TENM4: variants seen among roughly 807,000 people sequenced by gnomAD.
The protein encoded by TENM4 is teneurin-4.
In TENM4, 82 loss-of-function variants were observed where a neutral mutation model predicts 243.3. The ratio of observed to expected loss-of-function variants is 0.34; its 90% CI spans 0.28 to 0.40. TENM4 has a LOEUF of 0.40. TENM4 is among the 10% of genes least tolerant of loss of function. The pLI, the probability that TENM4 is intolerant of heterozygous loss-of-function variation, is 1.00. For synonymous variants in TENM4, 1,412 were observed against 1,456.3 expected (o/e 0.97, Z 0.69); for missense variants, 3,138 against 3,673.3 (o/e 0.85, Z 3.77).
rs577565806 is a variant in TENM4, at chr11:78,657,925, T to C, written c.*133A>G. On this transcript the variant is annotated 3_prime_UTR_variant, in exon 34 of 34. Coordinates refer to ENST00000278550, the MANE Select transcript of TENM4 (RefSeq NM_001098816.3). ...CTTTTCTAAAAAAAAGGATGTTGCA[T>C]GAGTTACAATGCAACCAGTATCTTT... is the stretch of plus-strand genomic sequence containing the variant. 9.2e-5 allele frequency: 126 copies of C among 1,370,354 alleles called. No homozygotes were observed. The highest frequency in any genetic ancestry group is 1.2e-4 in the Non-Finnish European group (115 of 969,056). 84.9% of individuals were successfully genotyped at this position (1,370,354 alleles called of 1,614,324 possible).
At chr11:79,268,606 C>G (rs1430772385) in intron 2 of TENM4, among the ~76,000 whole-genome samples, 1 of 152,192 alleles carries the variant, frequency 6.6e-6, no homozygotes, top group Non-Finnish European at 1.5e-5. Context: ...AAACCCAACA[C>G]TATCATGGTC....
chr11:78,837,193 C>A (rs1466912296), intron 12 of TENM4, among the ~76,000 whole-genome samples: 1 of 152,102 alleles, frequency 6.6e-6, no homozygotes, highest in East Asian at 1.9e-4. Context: ...TGGGAGACAA[C>A]TGAATCATGG....
chr11:78,818,154 C>T (rs189510372), intron 12 of TENM4, among the ~76,000 whole-genome samples: 23 of 152,220 alleles, frequency 1.5e-4, no homozygotes, highest in Admixed American at 6.5e-4. Context: ...GAAATCCCTC[C>T]CAGATCTAAA....
At chr11:79,079,831 CAAAAAAAAAA>C (rs34296723) in intron 4 of TENM4, among the ~76,000 whole-genome samples, 2 of 114,648 alleles carry the variant, frequency 1.7e-5, no homozygotes, top group Non-Finnish European at 3.6e-5. Context: ...CACTTTGTTT[CAAAAAAAAAA>C]AAAAAAAAGA....
At chr11:79,216,097 T>C (rs1242522491) in intron 2 of TENM4, among the ~76,000 whole-genome samples, 188 bp from the exon 3 acceptor site, 4 of 152,162 alleles carry the variant, frequency 2.6e-5, no homozygotes, top group Non-Finnish European at 5.9e-5. Flanking sequence ...ACACAGATGG[T>C]TCCTCTATGC....
chr11:79,433,624 C>T (rs995770102), intron 1 of TENM4, among the ~76,000 whole-genome samples: 1 of 152,096 alleles, frequency 6.6e-6, no homozygotes, highest in African/African-American at 2.4e-5. Flanking sequence ...CCTCTGATAC[C>T]CTTTTGCACT....
chr11:79,256,990 C>A (rs138339614), intron 2 of TENM4, among the ~76,000 whole-genome samples: 192 of 152,242 alleles, frequency 1.3e-3, no homozygotes, highest in African/African-American at 4.4e-3. Flanking sequence ...TAGAAAGCAA[C>A]CACTGAGCTG....
intron 3 of TENM4, among the ~76,000 whole-genome samples, chr11:79,195,415 C>T (rs1863603709): frequency 6.6e-6 from 1 of 152,062 alleles, no homozygotes; most frequent in African/African-American, 2.4e-5. Flanking sequence ...CAACAACAGC[C>T]CGTGAAAGCA....
In TENM4 at chr11:78,669,903, A is replaced by G; in HGVS notation, c.6442T>C (p.Tyr2148His). ...TACTGCACTTCCTTCATCCTGCCAT[A>G]TGCATCAAAATGCTTGGTGTGGGTC... The part of the protein sequence containing the change: ...VMTHTKHFDA[Y>H]GRMKEVQYEI... Residue 2148 changes from tyrosine (Y) to histidine (H), a missense_variant, in exon 32 of 34, where the codon TAT becomes CAT. Physicochemically the swap from Tyr to His is moderately conservative, Grantham distance 83. Transcript: ENST00000278550. This position sits in a 1 kb window ranked among gnomAD's most constrained non-coding sequence, Gnocchi z 6.4. 3 of 1,613,794 alleles carry G rather than the reference A, an allele frequency of 1.9e-6. No homozygotes were observed. Among genetic ancestry groups the G allele is most frequent in the Non-Finnish European group, 2.5e-6 (3 of 1,179,864 alleles).
chr11:79,196,999 A>C (rs1239185952), intron 3 of TENM4, among the ~76,000 whole-genome samples: 1 of 152,194 alleles, frequency 6.6e-6, no homozygotes, highest in Non-Finnish European at 1.5e-5. Flanking sequence ...AGAGGTTTTC[A>C]GCAAAAAGCA....
intron 7 of TENM4, among the ~76,000 whole-genome samples, chr11:78,892,837 G>T (rs765659532): frequency 6.6e-6 from 1 of 152,164 alleles, no homozygotes; most frequent in Non-Finnish European, 1.5e-5. Flanking sequence ...AACAAGTGGA[G>T]AGCCAAGCTG....
intron 4 of TENM4, among the ~76,000 whole-genome samples, chr11:79,145,567 A>G (rs12785700): frequency 2.1e-3 from 312 of 152,176 alleles, no homozygotes; most frequent in Non-Finnish European, 3.5e-3. Flanking sequence ...ATATTCCACT[A>G]TGTGAATATG....
chr11:79,134,818 A>C (rs1862076193), intron 4 of TENM4, among the ~76,000 whole-genome samples: 1 of 152,132 alleles, frequency 6.6e-6, no homozygotes, highest in Non-Finnish European at 1.5e-5. Flanking sequence ...CTGGGTCCTC[A>C]TCTCTCACTT....
chr11:79,060,460 T>C (rs987559020), intron 6 of TENM4, among the ~76,000 whole-genome samples: 39 of 152,224 alleles, frequency 2.6e-4, no homozygotes, highest in African/African-American at 8.7e-4. Context: ...CCGCTATCAA[T>C]ACTGTTGACA....
chr11:78,874,516 G>A (rs1277474181), intron 9 of TENM4, among the ~76,000 whole-genome samples: 2 of 152,120 alleles, frequency 1.3e-5, no homozygotes, highest in South Asian at 4.1e-4. Context: ...TATGCATAGT[G>A]CTATTTAATA....
intron 22 of TENM4, 110 bp from the exon 23 acceptor site, chr11:78,726,332 G>T: frequency 7.5e-7 from 1 of 1,340,266 alleles, no homozygotes; most frequent in Non-Finnish European, 1.0e-6. Flanking sequence ...AGGAAAAAAG[G>T]GTCATATTTC....
chr11:79,058,031 T>C (rs1859984998), intron 6 of TENM4, among the ~76,000 whole-genome samples: 1 of 152,212 alleles, frequency 6.6e-6, no homozygotes, highest in South Asian at 2.1e-4. Flanking sequence ...GTCATTTTTC[T>C]AGCATGTCAT....
chr11:79,334,624 T>C (rs186332076), intron 1 of TENM4, among the ~76,000 whole-genome samples: 2 of 152,154 alleles, frequency 1.3e-5, no homozygotes, highest in Non-Finnish European at 2.9e-5. Flanking sequence ...AAAAACCCTA[T>C]CTGTAGCTTA....
chr11:78,992,514 G>A (rs779700857), intron 6 of TENM4, among the ~76,000 whole-genome samples: 6 of 152,256 alleles, frequency 3.9e-5, no homozygotes, highest in African/African-American at 1.2e-4. Flanking sequence ...AAAAGAGCAC[G>A]GGCACTCAGA....
Sources: allele counts gnomAD v4.1 joint callset (sites outside exome capture counted in the v4.1 genomes callset), GRCh38; gene constraint gnomAD v4.1.1; non-coding constraint Gnocchi (gnomAD v3.1); transcripts MANE v1.5; gene names NCBI Gene and HGNC (gene_info 2026-07-23, HGNC 2026-07-21).